Variants in LRRTM4 observed in about 807,000 individuals in gnomAD.
The protein encoded by LRRTM4 is leucine-rich repeat transmembrane neuronal protein 4.
LRRTM4 carries 25 observed loss-of-function variants against 47.6 expected under a neutral mutation model. The ratio of observed to expected loss-of-function variants is 0.53; its 90% CI spans 0.38 to 0.73. The LOEUF is 0.73. Ranked by LOEUF, LRRTM4 falls within the 30% of genes least tolerant of loss-of-function variation. The probability of loss-of-function intolerance (pLI) is 0.00; values close to 1 mark genes in which losing one functional copy is unlikely to be tolerated. For missense variants in LRRTM4, 638 were observed against 713.4 expected, an observed-to-expected ratio of 0.89 and a Z score of 1.20; for synonymous variants, 311 against 269.5, an observed-to-expected ratio of 1.15 and a Z score of -1.51.
chr2:77,157,600 C>T (rs1305392465), intron 3 of LRRTM4, among the ~76,000 whole-genome samples: 19 of 151,944 alleles, frequency 1.3e-4, no homozygotes, highest in Admixed American at 1.2e-3. Flanking sequence ...ACTTGATATA[C>T]TTGCGGTCAG....
intron 3 of LRRTM4, among the ~76,000 whole-genome samples, chr2:77,040,471 A>G (rs1678989561): frequency 6.6e-6 from 1 of 151,444 alleles, no homozygotes; most frequent in Admixed American, 6.6e-5. Context: ...CAGTAAATTT[A>G]GTAAAGAGAG....
intron 3 of LRRTM4, among the ~76,000 whole-genome samples, chr2:77,006,099 A>G (rs1457293784): frequency 6.6e-6 from 1 of 152,170 alleles, no homozygotes; most frequent in Non-Finnish European, 1.5e-5. Flanking sequence ...ATATATTTAA[A>G]ATATTTTCTC....
chr2:77,400,067 A>C (rs1573363309), intron 3 of LRRTM4, among the ~76,000 whole-genome samples: 1 of 151,538 alleles, frequency 6.6e-6, no homozygotes, highest in South Asian at 2.1e-4. Flanking sequence ...CCTCCACCTC[A>C]CCACCCTATT....
intron 3 of LRRTM4, among the ~76,000 whole-genome samples, chr2:77,505,472 T>A (rs1305944334): frequency 6.6e-6 from 1 of 151,324 alleles, no homozygotes; most frequent in African/African-American, 2.4e-5. Context: ...GTTGAATAAA[T>A]CAACGAAGTG....
intron 3 of LRRTM4, among the ~76,000 whole-genome samples, chr2:77,049,131 T>TATATACATATATATATATATAC (rs1553377430): frequency 8.4e-6 from 1 of 118,412 alleles, no homozygotes; most frequent in African/African-American, 4.2e-5. Flanking sequence ...TTTATATATA[T>TATATACATATATATATATATAC]ATATATATAT....
At chr2:77,405,821 C>T (rs1163561142) in intron 3 of LRRTM4, among the ~76,000 whole-genome samples, 1 of 152,088 alleles carries the variant, frequency 6.6e-6, no homozygotes, top group African/African-American at 2.4e-5. Context: ...AGAAAGGTGG[C>T]TGTGTCCTTA....
At chr2:77,007,931 T>A (rs189578282) in intron 3 of LRRTM4, among the ~76,000 whole-genome samples, 10 of 152,316 alleles carry the variant, frequency 6.6e-5, no homozygotes, top group Non-Finnish European at 4.4e-5. Flanking sequence ...AGCTTCATTG[T>A]TCCTTCAATG....
At chr2:76,973,741 T>A (rs1676300931) in intron 3 of LRRTM4, among the ~76,000 whole-genome samples, 1 of 151,932 alleles carries the variant, frequency 6.6e-6, no homozygotes, top group South Asian at 2.1e-4. Flanking sequence ...GTATAAAGGA[T>A]GACAAAATGA....
chr2:76,774,934 G>C (rs1406320233), intron 3 of LRRTM4, among the ~76,000 whole-genome samples: 1 of 152,130 alleles, frequency 6.6e-6, no homozygotes, highest in African/African-American at 2.4e-5. Flanking sequence ...TTCTGGCATT[G>C]CTTCTTCTAT....
intron 3 of LRRTM4, among the ~76,000 whole-genome samples, chr2:76,856,096 G>C (rs182729737): frequency 6.6e-6 from 1 of 152,080 alleles, no homozygotes; most frequent in South Asian, 2.1e-4. Context: ...GGCCAACATG[G>C]TGAAACCCCA....
chr2:76,767,072 T>C (rs1479681681), intron 3 of LRRTM4, among the ~76,000 whole-genome samples: 1 of 152,122 alleles, frequency 6.6e-6, no homozygotes, highest in Non-Finnish European at 1.5e-5. Context: ...TTGTTTCTGT[T>C]TGAATTTTTC....
chr2:77,268,691 C>T (rs894527480), intron 3 of LRRTM4, among the ~76,000 whole-genome samples: 12 of 152,084 alleles, frequency 7.9e-5, no homozygotes, highest in African/African-American at 1.2e-4. Flanking sequence ...TATTTTAACT[C>T]TATGAAAACA....
At chr2:77,184,796 T>C (rs1673453296) in intron 3 of LRRTM4, among the ~76,000 whole-genome samples, 1 of 152,188 alleles carries the variant, frequency 6.6e-6, no homozygotes, top group Admixed American at 6.6e-5. Context: ...AAATATTTGG[T>C]CCTATGCTAT....
chr2:76,907,229 G>C (rs1673875223), intron 3 of LRRTM4, among the ~76,000 whole-genome samples: 1 of 151,882 alleles, frequency 6.6e-6, no homozygotes, highest in East Asian at 1.9e-4. Flanking sequence ...TGTACAACCT[G>C]CTCCTGAATG....
rs1307843354 is a variant in LRRTM4 at position 77,248,980 on chromosome 2, G to T, written c.1551+269338C>A. On this transcript the variant is annotated intron_variant, in intron 3 of 3. Coordinates refer to ENST00000409884, the MANE Select transcript of LRRTM4 (RefSeq NM_001134745.3). ...TAGAAGAAAATTTAGATGAACTAGG[G>T]TTGGTGATAACTTTTTAGGTACAAC... 2.6e-5 allele frequency among the ~76,000 whole-genome samples: 4 copies of T among 152,086 alleles called. No individual in the cohort carries two copies. In the South Asian group the frequency reaches 8.3e-4, roughly 32 times the overall value.
At chr2:77,068,686 A>G (rs191216024) in intron 3 of LRRTM4, among the ~76,000 whole-genome samples, 171 of 140,750 alleles carry the variant, frequency 1.2e-3, no homozygotes, top group African/African-American at 4.8e-3. Context: ...GTGTGGATAC[A>G]CTACATTTTG....
At chr2:77,095,783 G>T (rs1325296220) in intron 3 of LRRTM4, among the ~76,000 whole-genome samples, 2 of 152,136 alleles carry the variant, frequency 1.3e-5, no homozygotes, top group African/African-American at 4.8e-5. Context: ...AAAGTGCTGG[G>T]ATTATAGGTG....
intron 3 of LRRTM4, among the ~76,000 whole-genome samples, chr2:77,016,545 T>C (rs1210665326): frequency 6.6e-6 from 1 of 152,140 alleles, no homozygotes; most frequent in Non-Finnish European, 1.5e-5. Flanking sequence ...CATGTTGCCT[T>C]ATATCAGCTC....
chr2:77,404,064 G>A lies in LRRTM4; in HGVS notation c.1551+114254C>T, dbSNP rs140156785. On this transcript the variant is annotated intron_variant, in intron 3 of 3. Coordinates refer to ENST00000409884, the MANE Select transcript of LRRTM4 (RefSeq NM_001134745.3). ...CTTGACATTTAACACAACTACTTTCGAGTCATAACTTGTCTTGCCTGGATA... is the reference window on the plus strand; with the variant it reads ...CTTGACATTTAACACAACTACTTTCAAGTCATAACTTGTCTTGCCTGGATA... Among the ~76,000 whole-genome samples, 982 of 151,758 alleles carry A rather than the reference G, an allele frequency of 6.5e-3. 4 individuals carry two copies. The highest frequency in any genetic ancestry group is 0.01 in the Non-Finnish European group (698 of 67,898).
Sources: allele counts gnomAD v4.1 joint callset (sites outside exome capture counted in the v4.1 genomes callset), GRCh38; gene constraint gnomAD v4.1.1; transcripts MANE v1.5; gene names NCBI Gene and HGNC (gene_info 2026-07-23, HGNC 2026-07-21).